ASTN2: variants seen among roughly 807,000 people sequenced by gnomAD.
ASTN2 encodes the protein astrotactin 2.
A neutral mutation model predicts 139.8 loss-of-function variants in ASTN2; 54 were observed. The observed-to-expected ratio is 0.39, with a 90% CI of 0.31 to 0.48. The LOEUF is 0.48. Among genes scored for constraint, ASTN2 ranks in the 20% least tolerant of loss-of-function variants. The pLI is 0.95. For missense variants in ASTN2, 1,565 were observed against 1,725.1 expected (o/e 0.91, Z 1.64); for synonymous variants, 756 against 719.5 (o/e 1.05, Z -0.81).
intron 20 of ASTN2, among the ~76,000 whole-genome samples, chr9:116,444,816 A>G (rs553522761): frequency 4.4e-4 from 67 of 152,276 alleles, no homozygotes; most frequent in African/African-American, 1.5e-3. Flanking sequence ...TCTGTGATAG[A>G]CTGCCACCCA....
At chr9:117,062,016 A>T (rs1839308473) in intron 5 of ASTN2, among the ~76,000 whole-genome samples, 1 of 152,224 alleles carries the variant, frequency 6.6e-6, no homozygotes, top group Admixed American at 6.5e-5. Context: ...TTACCTGCCC[A>T]AGGCCATATA....
At chr9:117,078,251 A>T (rs984157293) in intron 5 of ASTN2, among the ~76,000 whole-genome samples, 7 of 152,352 alleles carry the variant, frequency 4.6e-5, no homozygotes, top group African/African-American at 1.7e-4. Flanking sequence ...AGGTCCAAAA[A>T]GAGGAAGAAA....
At chr9:116,496,975 T>A (rs1157603714) in intron 19 of ASTN2, among the ~76,000 whole-genome samples, 1 of 152,204 alleles carries the variant, frequency 6.6e-6, no homozygotes, top group African/African-American at 2.4e-5. Context: ...TAATTCAAGA[T>A]GAGACTTGGT....
intron 13 of ASTN2, among the ~76,000 whole-genome samples, chr9:116,777,876 G>GGCTTAC (rs1830123016): frequency 6.6e-6 from 1 of 152,048 alleles, no homozygotes; most frequent in South Asian, 2.1e-4. Context: ...TTGACATGGA[G>GGCTTAC]TCTGTTGTCA....
chr9:116,912,822 A>T (rs1259443343), intron 10 of ASTN2, among the ~76,000 whole-genome samples: 1 of 152,084 alleles, frequency 6.6e-6, no homozygotes, highest in East Asian at 1.9e-4. Flanking sequence ...GCGGTTAAGA[A>T]CATCAACTTC....
chr9:117,025,923 C>T (rs1001477747), intron 6 of ASTN2, among the ~76,000 whole-genome samples: 3 of 151,642 alleles, frequency 2.0e-5, no homozygotes, highest in African/African-American at 7.3e-5. Context: ...TCCTGAGTAG[C>T]TGGACTATTT....
intron 19 of ASTN2, among the ~76,000 whole-genome samples, chr9:116,560,019 T>A (rs1399904024): frequency 1.3e-5 from 2 of 152,224 alleles, no homozygotes; most frequent in African/African-American, 4.8e-5. Flanking sequence ...GTAGCAGTAC[T>A]CGGATTTGAA....
At chr9:117,188,120 A>T (rs985867375) in intron 3 of ASTN2, among the ~76,000 whole-genome samples, 5 of 151,908 alleles carry the variant, frequency 3.3e-5, no homozygotes, top group Non-Finnish European at 7.4e-5. Flanking sequence ...GTCTTCAGAC[A>T]TTGCTAAAGG....
chr9:116,495,574 G>T (rs1045101817), intron 19 of ASTN2, among the ~76,000 whole-genome samples: 1 of 152,106 alleles, frequency 6.6e-6, no homozygotes, highest in Non-Finnish European at 1.5e-5. Flanking sequence ...TTGCATTTTT[G>T]CAACTTTCCA....
Position 116,998,139 on chromosome 9 carries a change from T to C in ASTN2, c.1591+9953A>G, listed in dbSNP as rs573658014. 2.0e-5 allele frequency among the ~76,000 whole-genome samples: 3 copies of C among 152,302 alleles called. No individual in the cohort carries two copies. The East Asian group carries it at 5.8e-4, about 29-fold the overall frequency. ...AATAACAAAGTATCATGTTCGTTAA[T>C]CGATAATAAGTTCAGATGACTTCTG... On this transcript the variant is annotated intron_variant, in intron 7 of 22. Transcript: ENST00000313400.
At position 116,924,922 on chromosome 9, in the gene ASTN2, C is replaced by T. The variant is rs143440469; in HGVS notation, c.1889+50286G>A. On this transcript the variant is annotated intron_variant, in intron 10 of 22. Transcript: ENST00000313400. ...GTCTCAGCCTCATTTTGCCCAGCCC[C>T]GACTCAAGATGAAGTCACTGTGGTT... Among the ~76,000 whole-genome samples, 486 of 152,162 alleles carry T rather than the reference C, an allele frequency of 3.2e-3. 7 individuals are homozygous for T. Among genetic ancestry groups the T allele is most frequent in the South Asian group, 0.03 (145 of 4,818 alleles).
At chr9:117,365,279 G>A (rs1357467465) in intron 1 of ASTN2, among the ~76,000 whole-genome samples, 1 of 144,028 alleles carries the variant, frequency 6.9e-6, no homozygotes, top group African/African-American at 2.6e-5. Context: ...AAGACAGAAA[G>A]AAAGAAAGAA....
At chr9:116,559,578 G>C (rs552555445) in intron 19 of ASTN2, among the ~76,000 whole-genome samples, 1 of 152,116 alleles carries the variant, frequency 6.6e-6, no homozygotes, top group Non-Finnish European at 1.5e-5. Flanking sequence ...TGAATCCAAC[G>C]AGAATGTTAC....
chr9:116,562,952 A>C (rs1323847718), intron 19 of ASTN2, among the ~76,000 whole-genome samples: 1 of 152,272 alleles, frequency 6.6e-6, no homozygotes, highest in Non-Finnish European at 1.5e-5. Context: ...AGAGGTGACC[A>C]AGAGAGGCAT....
At chr9:116,811,052 C>T (rs1020584607) in intron 12 of ASTN2, among the ~76,000 whole-genome samples, 2 of 152,086 alleles carry the variant, frequency 1.3e-5, no homozygotes, top group Admixed American at 1.3e-4. Context: ...CTAGCTCATT[C>T]GTAATGTGTT....
At chr9:117,033,521 C>G (rs1223265729) in intron 6 of ASTN2, among the ~76,000 whole-genome samples, 1 of 152,108 alleles carries the variant, frequency 6.6e-6, no homozygotes, top group African/African-American at 2.4e-5. Flanking sequence ...GTAACTAGCA[C>G]AAGTCACACA....
intron 4 of ASTN2, among the ~76,000 whole-genome samples, chr9:117,124,105 C>T (rs891918338): frequency 6.6e-6 from 1 of 152,178 alleles, no homozygotes; most frequent in Non-Finnish European, 1.5e-5. Flanking sequence ...CTCCAGGTCT[C>T]AGTTTCTCAC....
At chr9:116,598,482 G>A (rs1161755436) in intron 19 of ASTN2, among the ~76,000 whole-genome samples, 1 of 152,114 alleles carries the variant, frequency 6.6e-6, no homozygotes, top group Non-Finnish European at 1.5e-5. Flanking sequence ...ATATGAGGTT[G>A]GTGCAAAATT....
In ASTN2 at chr9:116,815,812, A is replaced by AC. The variant is rs1831306550; in HGVS notation, c.2207+4804_2207+4805insG. On this transcript the variant is annotated intron_variant, in intron 12 of 22. Transcript: ENST00000313400. ...AGAGCGAGACTCCGTCTCAAAAAAA[A>AC]AAAAAAAAAAAAAAAAGTTGATGAA... is the stretch of plus-strand genomic sequence containing the variant. Among the ~76,000 whole-genome samples the AC allele has an allele frequency of 2.0e-5, 3 of 146,484 alleles. 1 individual carries two copies. Among genetic ancestry groups the AC allele is most frequent in the African/African-American group, 7.6e-5 (3 of 39,708 alleles).
Sources: gnomAD v4.1 joint callset for allele counts (sites outside exome capture counted in the v4.1 genomes callset) on GRCh38, gnomAD v4.1.1 for gene constraint, MANE v1.5 for transcripts, NCBI Gene and HGNC (gene_info 2026-07-23, HGNC 2026-07-21) for gene names.